The following CBFA2T2 variants were observed in gnomAD, a reference collection of about 807,000 sequenced individuals.
CBFA2T2 encodes the protein CBFA2/RUNX1 partner transcriptional co-repressor 2.
A neutral mutation model predicts 62.2 loss-of-function variants in CBFA2T2; 11 were observed. The ratio of observed to expected loss-of-function variants is 0.18; its 90% CI spans 0.11 to 0.29. The LOEUF is 0.29. Ranked by LOEUF, CBFA2T2 falls within the 10% of genes least tolerant of loss-of-function variation. CBFA2T2 has a pLI of 1.00. For synonymous variants in CBFA2T2, 295 were observed against 287.5 expected, an observed-to-expected ratio of 1.03 and a Z score of -0.27; for missense variants, 592 against 774.1, an observed-to-expected ratio of 0.76 and a Z score of 2.79.
intron 1 of CBFA2T2, among the ~76,000 whole-genome samples, chr20:33,535,724 G>A (rs1291752138): frequency 6.7e-6 from 1 of 149,586 alleles, no homozygotes; most frequent in African/African-American, 2.5e-5. Context: ...CAGAGGGGGA[G>A]TTGGCAGGGT....
At chr20:33,536,466 T>G (rs1334390412) in intron 1 of CBFA2T2, among the ~76,000 whole-genome samples, 73 of 142,186 alleles carry the variant, frequency 5.1e-4, no homozygotes, top group African/African-American at 1.4e-3. Context: ...GCGGCTGGCC[T>G]GGCGGGGGCT....
intron 9 of CBFA2T2, chr20:33,638,714 CCTGTGGACTTA>C (rs1172251193): frequency 3.3e-5 from 5 of 152,128 alleles, no homozygotes; most frequent in Non-Finnish European, 7.3e-5. Context: ...ATTGTCTAGT[CCTGTGGACTTA>C]CGTAGGGAGC....
In CBFA2T2 at chr20:33,624,758, C is replaced by T. The variant is rs757851880; in HGVS notation, c.693-6C>T. The T allele has an allele frequency of 6.4e-5, 103 of 1,613,678 alleles. No homozygotes were observed. The South Asian group carries it at 1.1e-3, about 17-fold the overall frequency. On this transcript the variant is annotated splice_region_variant and splice_polypyrimidine_tract_variant and intron_variant, in intron 5 of 10. Coordinates refer to ENST00000342704, the MANE Select transcript of CBFA2T2 (RefSeq NM_001032999.3). ...GATCAGATACGCACTTCTGCTTCTT[C>T]TACAGGAGAGAAGAGAATAGTTTTG...
rs994897834 is a variant in CBFA2T2, at chr20:33,642,439, C to CA, written c.1489-1898dup. On this transcript the variant is annotated intron_variant, in intron 10 of 10. Coordinates refer to ENST00000342704, the MANE Select transcript of CBFA2T2 (RefSeq NM_001032999.3). ...CTAGATGGTGAGACCCCATTTCTGC[C>CA]AAAAAAAAAATTTAAAAATTAGCCA... 3.0e-4 allele frequency among the ~76,000 whole-genome samples: 44 copies of CA among 148,138 alleles called. No individual in the cohort carries two copies. In the East Asian group the frequency reaches 3.7e-3, roughly 13 times the overall value.
intron 1 of CBFA2T2, among the ~76,000 whole-genome samples, chr20:33,512,877 C>G (rs1381844023): frequency 6.6e-6 from 1 of 151,850 alleles, no homozygotes; most frequent in East Asian, 1.9e-4. Flanking sequence ...CTCAGCCTCC[C>G]AAGTAGTTGG....
At chr20:33,583,899 G>C (rs1047301586) in intron 1 of CBFA2T2, among the ~76,000 whole-genome samples, 2 of 151,948 alleles carry the variant, frequency 1.3e-5, no homozygotes, top group African/African-American at 4.8e-5. Context: ...ATTGTCATTT[G>C]GTTTAAGTGA....
intron 1 of CBFA2T2, among the ~76,000 whole-genome samples, chr20:33,525,090 C>T (rs1169250114): frequency 6.6e-6 from 1 of 152,176 alleles, no homozygotes; most frequent in Non-Finnish European, 1.5e-5. Context: ...CCTGCCTTGG[C>T]CTCTCAGAGT....
intron 1 of CBFA2T2, among the ~76,000 whole-genome samples, chr20:33,539,034 AT>A (rs1391996523): frequency 6.6e-6 from 1 of 152,074 alleles, no homozygotes; most frequent in Admixed American, 6.5e-5. Context: ...AATAATTGGC[AT>A]TTCTGTTTAC....
intron 1 of CBFA2T2, among the ~76,000 whole-genome samples, chr20:33,544,797 A>T (rs931781968): frequency 1.5e-4 from 23 of 152,262 alleles, no homozygotes; most frequent in Admixed American, 2.6e-4. Context: ...CCCCCGCCTC[A>T]GCCTCCCAAA....
intron 4 of CBFA2T2, among the ~76,000 whole-genome samples, chr20:33,621,856 C>A (rs986104278): frequency 4.6e-5 from 7 of 152,198 alleles, no homozygotes; most frequent in Admixed American, 2.0e-4. Context: ...GAAGCCTCGG[C>A]TGCTCTGAGC....
At chr20:33,599,842 C>G (rs2015044386) in intron 1 of CBFA2T2, among the ~76,000 whole-genome samples, 1 of 152,338 alleles carries the variant, frequency 6.6e-6, no homozygotes, top group East Asian at 1.9e-4. Context: ...GATCCACCCA[C>G]CTCAACCTCC....
chr20:33,528,691 C>CGTGT (rs11471183), intron 1 of CBFA2T2, among the ~76,000 whole-genome samples: 3 of 150,232 alleles, frequency 2.0e-5, no homozygotes, highest in Admixed American at 6.6e-5. Flanking sequence ...AATGTCCACT[C>CGTGT]GTGTGTGTGT....
intron 1 of CBFA2T2, among the ~76,000 whole-genome samples, chr20:33,498,247 CTTTT>C (rs150003478): frequency 7.4e-6 from 1 of 134,938 alleles, no homozygotes; most frequent in Admixed American, 7.5e-5. Flanking sequence ...AATTTTCTTT[CTTTT>C]TTTTTTTTTT....
rs548564924 is a variant in CBFA2T2, at chr20:33,579,244, A to T, written c.35-27712A>T. Among the ~76,000 whole-genome samples the T allele has an allele frequency of 1.7e-4, 25 of 150,370 alleles. 1 individual carries two copies. The highest frequency in any genetic ancestry group is 2.7e-4 in the Admixed American group (4 of 15,010). Reference sequence around the variant, plus strand: ...TTTAAATTTTTATTCAATTTTTTTTAAAATTTAGCGATGGGGTCTCACTGT... The same window carrying T: ...TTTAAATTTTTATTCAATTTTTTTTTAAATTTAGCGATGGGGTCTCACTGT... On this transcript the variant is annotated intron_variant, in intron 1 of 10. Transcript: ENST00000342704.
rs561806177 is a variant in CBFA2T2, at chr20:33,531,447, T to C, written c.34+41146T>C. ...TGTGTTTAGGATTTTGAAATGCATTTTTGTTGGATTATTGCCCCACTAGAA... is the reference window on the plus strand; with the variant it reads ...TGTGTTTAGGATTTTGAAATGCATTCTTGTTGGATTATTGCCCCACTAGAA... On this transcript the variant is annotated intron_variant, in intron 1 of 10. Transcript: ENST00000342704. 3.9e-4 allele frequency among the ~76,000 whole-genome samples: 60 copies of C among 152,318 alleles called. No individual in the cohort carries two copies. In the South Asian group the frequency reaches 0.012, roughly 30 times the overall value.
chr20:33,528,460 C>T (rs2011947889), intron 1 of CBFA2T2, among the ~76,000 whole-genome samples: 2 of 152,162 alleles, frequency 1.3e-5, no homozygotes, highest in South Asian at 4.1e-4. Context: ...AAATCCAGAC[C>T]TTTTCACTGG....
chr20:33,624,889 G>C lies in CBFA2T2; in HGVS notation c.818G>C (p.Gly273Ala), dbSNP rs762596928. ...ALTVPLMNPG[G>A]QFHPTPPPLQ... Reference sequence around the variant, plus strand: ...ACTGTGCCCCTCATGAATCCCGGGGGCCAATTCCATCCTACCCCTCCACCT... The same window carrying C: ...ACTGTGCCCCTCATGAATCCCGGGGCCCAATTCCATCCTACCCCTCCACCT... The change falls in exon 6 of 11, where the codon GGC (glycine) becomes GCC (alanine). Residue 273 changes from glycine (G) to alanine (A), a missense_variant. Coordinates refer to ENST00000342704, the MANE Select transcript of CBFA2T2 (RefSeq NM_001032999.3). 1 of 1,614,050 alleles carries C rather than the reference G, an allele frequency of 6.2e-7. No homozygotes were observed. The highest frequency in any genetic ancestry group is 1.3e-5 in the African/African-American group (1 of 74,980).
At chr20:33,529,928 G>A (rs2012009336) in intron 1 of CBFA2T2, among the ~76,000 whole-genome samples, 1 of 151,286 alleles carries the variant, frequency 6.6e-6, no homozygotes, top group South Asian at 2.1e-4. Context: ...GGGATTATAG[G>A]TGTGCGCCAT....
intron 1 of CBFA2T2, among the ~76,000 whole-genome samples, chr20:33,544,200 C>A (rs929105204): frequency 6.6e-6 from 1 of 152,142 alleles, no homozygotes; most frequent in Non-Finnish European, 1.5e-5. Flanking sequence ...ATCTGCTTCC[C>A]TCTCCCTGCC....
Sources: gnomAD v4.1 joint callset for allele counts (sites outside exome capture counted in the v4.1 genomes callset) on GRCh38, gnomAD v4.1.1 for gene constraint, MANE v1.5 for transcripts, NCBI Gene and HGNC (gene_info 2026-07-23, HGNC 2026-07-21) for gene names.